The following MVB12B variants were observed in gnomAD, a reference collection of about 807,000 sequenced individuals.
MVB12B encodes the protein multivesicular body subunit 12B.
In MVB12B, 16 loss-of-function variants were observed where a neutral mutation model predicts 41.6. That is an observed-to-expected ratio of 0.38 (90% confidence interval 0.26 to 0.58). The LOEUF is 0.58. MVB12B is among the 20% of genes least tolerant of loss of function. The pLI, the probability that MVB12B is intolerant of heterozygous loss-of-function variation, is 0.62. For synonymous variants in MVB12B, 133 were observed against 139.7 expected (o/e 0.95, Z 0.34); for missense variants, 274 against 380.2 (o/e 0.72, Z 2.32).
intron 7 of MVB12B, among the ~76,000 whole-genome samples, chr9:126,443,700 G>C (rs1832699667): frequency 1.3e-5 from 2 of 152,138 alleles, no homozygotes; most frequent in Non-Finnish European, 2.9e-5. Flanking sequence ...TCCATTCTGG[G>C]TTCTTTTTAA....
intron 7 of MVB12B, among the ~76,000 whole-genome samples, chr9:126,477,972 T>C (rs1833452928): frequency 6.6e-6 from 1 of 151,990 alleles, no homozygotes; most frequent in Non-Finnish European, 1.5e-5. Flanking sequence ...TTCAAAGACG[T>C]GATCATCAGT....
At chr9:126,352,503 C>A (rs1433515670) in intron 2 of MVB12B, among the ~76,000 whole-genome samples, 5 of 152,082 alleles carry the variant, frequency 3.3e-5, no homozygotes, top group African/African-American at 1.2e-4. Context: ...TTGTTTGTTT[C>A]TTTGGTTTTT....
chr9:126,348,315 C>T (rs1253376739), intron 2 of MVB12B, among the ~76,000 whole-genome samples: 2 of 152,208 alleles, frequency 1.3e-5, no homozygotes, highest in Admixed American at 1.3e-4. Context: ...CCCCTTTGTC[C>T]TGCCGCACCC....
chr9:126,428,770 T>G (rs1832251433), intron 7 of MVB12B, among the ~76,000 whole-genome samples: 1 of 152,140 alleles, frequency 6.6e-6, no homozygotes, highest in Admixed American at 6.5e-5. Context: ...GTGTGTGGGC[T>G]GAGTGAGTGT....
At chr9:126,410,145 G>GTT (rs772372389) in intron 6 of MVB12B, among the ~76,000 whole-genome samples, 1 of 103,682 alleles carries the variant, frequency 9.6e-6, no homozygotes, top group African/African-American at 3.1e-5. Context: ...TTGGTTTTGT[G>GTT]TGTGTGTGTG....
rs117186529 is a variant in MVB12B at position 126,342,212 on chromosome 9, C to T, written c.204+1582C>T. Among the ~76,000 whole-genome samples the T allele has an allele frequency of 1.2e-4, 19 of 152,290 alleles. No individual in the cohort carries two copies. The East Asian group carries it at 3.3e-3, about 26-fold the overall frequency. On this transcript the variant is annotated intron_variant, in intron 2 of 9. Coordinates refer to ENST00000361171, the MANE Select transcript of MVB12B (RefSeq NM_033446.3). Reference sequence around the variant, plus strand: ...AATCAAGGCAGGGACTGGGAGTTCCCGCTGTGGGAGAGGACGGGCTCAGGG... The same window carrying T: ...AATCAAGGCAGGGACTGGGAGTTCCTGCTGTGGGAGAGGACGGGCTCAGGG...
intron 9 of MVB12B, among the ~76,000 whole-genome samples, chr9:126,499,470 G>C (rs967255716): frequency 3.3e-5 from 5 of 152,218 alleles, no homozygotes; most frequent in African/African-American, 1.2e-4. Context: ...TTGTTCGCAA[G>C]TGCAGGTTTT....
chr9:126,350,129 C>A (rs960626435), intron 2 of MVB12B, among the ~76,000 whole-genome samples: 1 of 152,158 alleles, frequency 6.6e-6, no homozygotes, highest in Non-Finnish European at 1.5e-5. Flanking sequence ...TATTTGCCAT[C>A]TGTATGTCTT....
intron 7 of MVB12B, among the ~76,000 whole-genome samples, chr9:126,469,515 T>C (rs1361777287): frequency 6.6e-6 from 1 of 152,216 alleles, no homozygotes. Context: ...CCGAGGGGTG[T>C]ATGTGATGCT....
rs556397329 is a variant in MVB12B, at chr9:126,459,720, G to A, written c.758-21649G>A. ...GATGTGGGGCAGCTTGGAGTGCGCA[G>A]TTGTTACAGCGCTCACAGGGGCCGC... On this transcript the variant is annotated intron_variant, in intron 7 of 9. Coordinates refer to ENST00000361171, the MANE Select transcript of MVB12B (RefSeq NM_033446.3). This position sits in a 1 kb window ranked among gnomAD's most constrained non-coding sequence, Gnocchi z 4.3. 6.6e-6 allele frequency among the ~76,000 whole-genome samples: 1 copy of A among 152,258 alleles called. No homozygotes were observed. The highest frequency in any genetic ancestry group is 2.1e-4 in the South Asian group (1 of 4,820).
rs1257465780 is a variant in MVB12B, at chr9:126,436,698, T to A, written c.757+14750T>A. Among the ~76,000 whole-genome samples the A allele has an allele frequency of 6.6e-6, 1 of 152,210 alleles. No individual in the cohort carries two copies. Among genetic ancestry groups the A allele is most frequent in the African/African-American group, 2.4e-5 (1 of 41,442 alleles). On this transcript the variant is annotated intron_variant, in intron 7 of 9. Transcript: ENST00000361171. The surrounding 1 kb of genome is among the most constrained non-coding windows in gnomAD (Gnocchi z 4.1). Reference sequence around the variant, plus strand: ...AAATCCGTAGTGGCTCAGCATATAGTCCTTTGTCTGGCAGTCCAGTCCACT... The same window carrying A: ...AAATCCGTAGTGGCTCAGCATATAGACCTTTGTCTGGCAGTCCAGTCCACT...
intron 4 of MVB12B, among the ~76,000 whole-genome samples, chr9:126,387,551 C>T (rs1342575025): frequency 5.3e-5 from 8 of 152,170 alleles, no homozygotes; most frequent in Non-Finnish European, 1.5e-5. Flanking sequence ...TCTATCTTTA[C>T]GCAGATCCCC....
At chr9:126,401,115 G>A (rs961982381) in intron 6 of MVB12B, among the ~76,000 whole-genome samples, 7 of 152,112 alleles carry the variant, frequency 4.6e-5, no homozygotes, top group African/African-American at 1.7e-4. Context: ...CAGACCCCAG[G>A]CCATGGGCAC....
chr9:126,452,896 G>A (rs1051718732), intron 7 of MVB12B, among the ~76,000 whole-genome samples: 1 of 152,122 alleles, frequency 6.6e-6, no homozygotes, highest in African/African-American at 2.4e-5. Flanking sequence ...TCTGCAAATT[G>A]CAGTCTAGTT....
intron 1 of MVB12B, among the ~76,000 whole-genome samples, chr9:126,339,254 G>A (rs1419397560): frequency 6.6e-6 from 1 of 152,156 alleles, no homozygotes; most frequent in African/African-American, 2.4e-5. Flanking sequence ...TGCCTTTTCT[G>A]ATTCTAGGCT....
At chr9:126,469,250 C>T (rs375186577) in intron 7 of MVB12B, among the ~76,000 whole-genome samples, 171 of 152,276 alleles carry the variant, frequency 1.1e-3, no homozygotes, top group African/African-American at 3.7e-3. Flanking sequence ...GGAGACAGGC[C>T]GGCAGGACCC....
At chr9:126,327,923 A>G (rs1045647855) in intron 1 of MVB12B, among the ~76,000 whole-genome samples, 3 of 152,164 alleles carry the variant, frequency 2.0e-5, no homozygotes, top group African/African-American at 7.2e-5. Context: ...TTGCTGCCAC[A>G]AAAGCAGACA....
intron 2 of MVB12B, among the ~76,000 whole-genome samples, chr9:126,377,809 C>A (rs1050084606): frequency 6.6e-6 from 1 of 152,184 alleles, no homozygotes; most frequent in South Asian, 2.1e-4. Context: ...CACAGAGCCC[C>A]GGGACAACTG....
Position 126,332,865 on chromosome 9 carries a change from A to C in MVB12B, c.81+5855A>C, listed in dbSNP as rs139816719. On this transcript the variant is annotated intron_variant, in intron 1 of 9. Transcript: ENST00000361171. ...CCATAAGCTGGGCATTGTGGTGGAC[A>C]TAACACACCTTTGAGTAACTTACGG... 5.8e-4 allele frequency among the ~76,000 whole-genome samples: 89 copies of C among 152,364 alleles called. 1 individual carries two copies. In the East Asian group the frequency reaches 0.017, roughly 29 times the overall value.
Sources: gnomAD v4.1 joint callset for allele counts (sites outside exome capture counted in the v4.1 genomes callset) on GRCh38, gnomAD v4.1.1 for gene constraint, Gnocchi (gnomAD v3.1) non-coding constraint, MANE v1.5 for transcripts, NCBI Gene and HGNC (gene_info 2026-07-23, HGNC 2026-07-21) for gene names.